DEAF1: variants seen among roughly 807,000 people sequenced by gnomAD.
DEAF1 encodes the protein DEAF1 transcription factor, also known as deformed epidermal autoregulatory factor 1 homolog.
In DEAF1, 53 loss-of-function variants were observed where a neutral mutation model predicts 58.9. The observed-to-expected ratio is 0.90, with a 90% CI of 0.72 to 1.13. The LOEUF (loss-of-function observed/expected upper bound fraction) is 1.13, where lower values mean the gene tolerates loss of function less well. Ranked by LOEUF, DEAF1 falls within the 50% of genes most tolerant of loss-of-function variation. DEAF1 has a pLI of 0.00. For missense variants in DEAF1, 685 were observed against 791.4 expected (o/e 0.87, Z 1.61); for synonymous variants, 385 against 340.4 (o/e 1.13, Z -1.44).
chr11:695,793 G>A (rs1419419462), upstream of DEAF1: 7 of 1,236,028 alleles, frequency 5.7e-6, no homozygotes, highest in South Asian at 1.9e-4. Flanking sequence ...AGAGGCTGCC[G>A]GGATCGCGAC....
At chr11:689,058 G>A (rs1179351138) in intron 2 of DEAF1, among the ~76,000 whole-genome samples, 1 of 152,172 alleles carries the variant, frequency 6.6e-6, no homozygotes, top group East Asian at 1.9e-4. Flanking sequence ...TGGCCTGCAG[G>A]CTCTGTTCAC....
intron 6 of DEAF1, among the ~76,000 whole-genome samples, chr11:681,969 C>T (rs1860395244): frequency 6.6e-6 from 1 of 152,248 alleles, no homozygotes; most frequent in Non-Finnish European, 1.5e-5. Flanking sequence ...TCAGACACCG[C>T]AGGTGATACA....
intron 10 of DEAF1, among the ~76,000 whole-genome samples, chr11:657,084 G>A (rs983187934): frequency 2.6e-5 from 4 of 152,076 alleles, no homozygotes; most frequent in Non-Finnish European, 4.4e-5. Flanking sequence ...GGGCCTCCAC[G>A]TGACAACATC....
Position 703,591 on chromosome 11 carries a change from A to T in DEAF1, c.-438+2981T>A, listed in dbSNP as rs2133479378. The stretch of plus-strand genomic sequence containing the variant: ...AATTTGTGTTCTGAGATCCCAGTTT[A>T]CTCCGTGGCCAGGCCCCACCTGTGT... On this transcript the variant is annotated intron_variant, in intron 1 of 11. Transcript: ENST00000683307. 3 of 1,232,886 alleles carry T rather than the reference A, an allele frequency of 2.4e-6. No homozygotes were observed. In the East Asian group the frequency reaches 9.5e-5, roughly 39 times the overall value. The allele number at this position is 1,232,886 out of a possible 1,614,324, so 76.4% of individuals were successfully genotyped here.
chr11:678,055 C>T (rs1050722603), intron 9 of DEAF1, among the ~76,000 whole-genome samples: 11 of 150,846 alleles, frequency 7.3e-5, no homozygotes, highest in African/African-American at 2.4e-4. Flanking sequence ...GAGGCTGAGG[C>T]GGATGGATCA....
chr11:697,673 T>A (rs1861262804), upstream of DEAF1: 1 of 152,164 alleles, frequency 6.6e-6, no homozygotes, highest in Admixed American at 6.5e-5. Context: ...TAATGCGAAA[T>A]CATCACAGAT....
Position 692,709 on chromosome 11 carries a change from G to A in DEAF1, c.290-1111C>T, listed in dbSNP as rs573429850. On this transcript the variant is annotated intron_variant, in intron 1 of 11. Transcript: ENST00000382409. ...CTCTACTAAAAATACAAAATTAGCC[G>A]GGCGTGGTGGCACATGCCTGTAATC... 5.9e-5 allele frequency among the ~76,000 whole-genome samples: 9 copies of A among 152,236 alleles called. No homozygotes were observed. In the South Asian group the frequency reaches 6.2e-4, roughly 11 times the overall value.
chr11:685,459 C>T (rs1860551683), intron 5 of DEAF1, among the ~76,000 whole-genome samples: 1 of 152,136 alleles, frequency 6.6e-6, no homozygotes, highest in African/African-American at 2.4e-5. Flanking sequence ...CTTTGAGAGG[C>T]CGACGCAGGC....
rs747917688 is a variant in DEAF1, at chr11:680,926, C to T, written c.997+37G>A. On this transcript the variant is annotated intron_variant, in intron 7 of 11. Transcript: ENST00000382409. The stretch of plus-strand genomic sequence containing the variant: ...CGAGAGAAGGCAATGCACTCAGGTC[C>T]CCTCAGTAAACTAGAGCTGTGTTTT... 39 of 1,613,622 alleles carry T rather than the reference C, an allele frequency of 2.4e-5. No homozygotes were observed. In the Admixed American group the frequency reaches 6.2e-4, roughly 26 times the overall value.
chr11:678,106 G>A (rs1476587164), intron 9 of DEAF1, among the ~76,000 whole-genome samples: 2 of 151,922 alleles, frequency 1.3e-5, no homozygotes, highest in Admixed American at 6.6e-5. Flanking sequence ...CCAGCTACCT[G>A]GGAGGCTGAG....
chr11:701,661 G>A (rs112521605), intron 1 of DEAF1, among the ~76,000 whole-genome samples: 13 of 151,734 alleles, frequency 8.6e-5, no homozygotes, highest in Non-Finnish European at 1.3e-4. Flanking sequence ...CGCCCACCTC[G>A]GCCTCCCAAA....
Position 654,008 on chromosome 11 carries a change from G to T in DEAF1, c.1547C>A (p.Thr516Asn). Residue 516 changes from threonine to asparagine, a missense_variant, in exon 11 of 12, where the codon ACC becomes AAC. This residue lies in a region of DEAF1 where 343 missense variants were observed against 379.8 expected (regional missense o/e 0.90). Coordinates refer to ENST00000382409, the MANE Select transcript of DEAF1 (RefSeq NM_021008.4). Reference protein sequence around the residue: ...NCGREAMSECTGCHKVNYCST... With the variant: ...NCGREAMSECNGCHKVNYCST... ...GCAGTAGTTGACCTTGTGGCAGCCG[G>T]TGCACTCGCTCATAGCCTCCCGGCC... The T allele has an allele frequency of 1.2e-6, 2 of 1,613,840 alleles. No individual in the cohort carries two copies. The highest frequency in any genetic ancestry group is 1.7e-6 in the Non-Finnish European group (2 of 1,179,984).
intron 11 of DEAF1, among the ~76,000 whole-genome samples, chr11:653,040 C>T (rs1215620368): frequency 7.3e-6 from 1 of 136,312 alleles, no homozygotes; most frequent in African/African-American, 2.8e-5. Flanking sequence ...GCCAAGATCG[C>T]ACCACTGCAC....
Position 654,254 on chromosome 11 carries a change from C to T in DEAF1, c.1504-203G>A, listed in dbSNP as rs570079507. On this transcript the variant is annotated intron_variant, in intron 10 of 11. Coordinates refer to ENST00000382409, the MANE Select transcript of DEAF1 (RefSeq NM_021008.4). The stretch of plus-strand genomic sequence containing the variant: ...TGCGATCTCAGCTCACTGCAACTTC[C>T]GCCTCCTGGGTTCAAGCAATTCTCC... Among the ~76,000 whole-genome samples the T allele has an allele frequency of 6.3e-4, 93 of 147,784 alleles. 2 individuals carry two copies. Among genetic ancestry groups the T allele is most frequent in the African/African-American group, 2.3e-3 (88 of 38,066 alleles).
rs368295628 is a variant in DEAF1, at chr11:654,164, C to T, written c.1504-113G>A. The T allele has an allele frequency of 2.2e-3, 1,135 of 523,404 alleles. 71 individuals are homozygous for T. The African/African-American group carries it at 0.041, about 19-fold the overall frequency. 32.4% of individuals were successfully genotyped at this position (523,404 alleles called of 1,614,324 possible). ...GCCCCAAGTTCCCCCCATTGGACCC[C>T]CTTTTTTTTTTTTTTTTTTTTTGAG... On this transcript the variant is annotated intron_variant, in intron 10 of 11. Transcript: ENST00000382409.
In DEAF1 at chr11:681,025, G is replaced by T; in HGVS notation, c.935C>A (p.Thr312Asn). Residue 312 changes from threonine (T) to asparagine (N), a missense_variant, in exon 7 of 12, where the codon ACT (threonine) becomes AAT (asparagine). Coordinates refer to ENST00000382409, the MANE Select transcript of DEAF1 (RefSeq NM_021008.4). ...RRKKENELPT[T>N]PVKKDSPKNI... ...CTTGGGGGAGTCCTTCTTCACGGGA[G>T]TTGTGGGCAGTTCATTCTCCTTCTT... is the stretch of plus-strand genomic sequence containing the variant. 1 of 1,614,176 alleles carries T rather than the reference G, an allele frequency of 6.2e-7. No homozygotes were observed. Among genetic ancestry groups the T allele is most frequent in the Non-Finnish European group, 8.5e-7 (1 of 1,180,032 alleles).
Position 644,522 on chromosome 11 carries a change from C to G in DEAF1, c.*28G>C, listed in dbSNP as rs1858388740. The G allele has an allele frequency of 4.4e-6, 7 of 1,599,030 alleles. No individual in the cohort carries two copies. Among genetic ancestry groups the G allele is most frequent in the Non-Finnish European group, 6.0e-6 (7 of 1,171,046 alleles). ...AAAGCCTCACAGGAGTGCGAGGGGC[C>G]CCAGCTCCCAGGGCGGCCGATGGAG... On this transcript the variant is annotated 3_prime_UTR_variant, in exon 12 of 12. Transcript: ENST00000382409. This position sits in a 1 kb window ranked among gnomAD's most constrained non-coding sequence, Gnocchi z 4.3.
At chr11:701,007 C>T (rs1861432378) in intron 1 of DEAF1, 1 of 463,338 alleles carries the variant, frequency 2.2e-6, no homozygotes, top group South Asian at 2.3e-5. Context: ...ACCACCACAT[C>T]TGGAGCTCCG....
rs552874570 is a variant in DEAF1 at position 685,512 on chromosome 11, T to C, written c.805-549A>G. 1.6e-4 allele frequency among the ~76,000 whole-genome samples: 25 copies of C among 151,832 alleles called. No homozygotes were observed. In the South Asian group the frequency reaches 5.2e-3, roughly 32 times the overall value. The stretch of plus-strand genomic sequence containing the variant: ...GAGCTGGAGACCAGCCTGGCCAACA[T>C]GGTGAAACCTCGTGTCTGCTAAAAA... On this transcript the variant is annotated intron_variant, in intron 5 of 11. Coordinates refer to ENST00000382409, the MANE Select transcript of DEAF1 (RefSeq NM_021008.4).
Sources: gnomAD v4.1 joint callset for allele counts (sites outside exome capture counted in the v4.1 genomes callset) on GRCh38, gnomAD v4.1.1 for gene constraint, gnomAD v4.1.1 regional missense constraint, Gnocchi (gnomAD v3.1) non-coding constraint, MANE v1.5 for transcripts, NCBI Gene and HGNC (gene_info 2026-07-23, HGNC 2026-07-21) for gene names.